Variants in COMMD1 observed in about 807,000 individuals in gnomAD.
The protein encoded by COMMD1 is COMM domain-containing protein 1.
COMMD1 carries 10 observed loss-of-function variants against 17.2 expected under a neutral mutation model. The observed-to-expected ratio is 0.58, with a 90% CI of 0.36 to 0.99. COMMD1 has a LOEUF of 0.99. COMMD1 is among the 50% of genes least tolerant of loss of function. The probability of loss-of-function intolerance (pLI) is 0.01; values close to 1 mark genes in which losing one functional copy is unlikely to be tolerated. For missense variants in COMMD1, 270 were observed against 231.8 expected (o/e 1.17, Z -1.07); for synonymous variants, 97 against 91.6 (o/e 1.06, Z -0.34).
At chr2:61,930,062 A>G (rs572390091) in intron 1 of COMMD1, among the ~76,000 whole-genome samples, 1 of 152,288 alleles carries the variant, frequency 6.6e-6, no homozygotes, top group African/African-American at 2.4e-5. Context: ...AATTATGCCC[A>G]GATTTATGAA....
chr2:62,047,378 G>A (rs867177242), intron 2 of COMMD1, among the ~76,000 whole-genome samples: 74 of 152,162 alleles, frequency 4.9e-4, no homozygotes, highest in African/African-American at 1.5e-3. Flanking sequence ...AGGCCTTCAC[G>A]TTCACGGACC....
intron 2 of COMMD1, among the ~76,000 whole-genome samples, chr2:62,054,105 T>C (rs1670620208): frequency 6.6e-6 from 1 of 152,180 alleles, no homozygotes; most frequent in Admixed American, 6.5e-5. Flanking sequence ...AAAAAAATGC[T>C]GAACATTACT....
intron 1 of COMMD1, among the ~76,000 whole-genome samples, chr2:61,992,287 TA>T (rs1395617797): frequency 1.3e-5 from 2 of 152,220 alleles, no homozygotes; most frequent in Non-Finnish European, 2.9e-5. Context: ...CAAGTTGTAT[TA>T]ATTGCATTCC....
At chr2:62,052,514 A>G (rs1416220637) in intron 2 of COMMD1, among the ~76,000 whole-genome samples, 1 of 152,158 alleles carries the variant, frequency 6.6e-6, no homozygotes, top group East Asian at 1.9e-4. Flanking sequence ...TTATATCCAC[A>G]TCACACATCA....
At position 62,000,662 on chromosome 2, in the gene COMMD1, TTTAA is replaced by T. The variant is rs778899173; in HGVS notation, c.181-36_181-33del. On this transcript the variant is annotated intron_variant, in intron 1 of 2. Transcript: ENST00000311832. ...GAAGCTATCTTTTTCTAATTACCTA[TTTAA>T]TTCAAATTTTTTGCTTTTTCTGTCA... The T allele has an allele frequency of 5.0e-6, 8 of 1,597,254 alleles. No individual in the cohort carries two copies. In the Admixed American group the frequency reaches 6.7e-5, roughly 13 times the overall value.
intron 2 of COMMD1, among the ~76,000 whole-genome samples, chr2:62,034,088 C>CA (rs34439318): frequency 0.22 from 13,368 of 61,696 alleles, 1,302 homozygotes; most frequent in Non-Finnish European, 0.26. Context: ...GACCCTGTCT[C>CA]AAAAAAAAAA....
chr2:61,936,632 C>T (rs139905307), intron 1 of COMMD1, among the ~76,000 whole-genome samples: 36 of 152,240 alleles, frequency 2.4e-4, no homozygotes, highest in Non-Finnish European at 4.4e-4. Context: ...CAGGGTCTTG[C>T]CTTATTGCCC....
intron 1 of COMMD1, among the ~76,000 whole-genome samples, chr2:61,956,769 T>C (rs533523886): frequency 6.8e-6 from 1 of 147,348 alleles, no homozygotes; most frequent in African/African-American, 2.5e-5. Context: ...TTTTGTTTTT[T>C]GCGATGGGGT....
intron 2 of COMMD1, among the ~76,000 whole-genome samples, chr2:62,121,887 G>A (rs1672759992): frequency 1.3e-5 from 2 of 152,158 alleles, no homozygotes; most frequent in Admixed American, 1.3e-4. Flanking sequence ...TATCTCCCGG[G>A]CTCAGGTGAT....
rs1491407705 is a variant in COMMD1, at chr2:61,990,891, A to AT, written c.181-9810_181-9809insT. Among the ~76,000 whole-genome samples, 389 of 103,842 alleles carry AT rather than the reference A, an allele frequency of 3.7e-3. 3 individuals are homozygous for AT. The highest frequency in any genetic ancestry group is 0.016 in the East Asian group (40 of 2,486). The allele number at this position is 103,842 out of a possible 152,430, so 68.1% of individuals were successfully genotyped here. ...CTCTGTCTTTACAAAAAAAAAAAAA[A>AT]ATATATATATATACACACACACACA... On this transcript the variant is annotated intron_variant, in intron 1 of 2. Transcript: ENST00000311832.
At chr2:62,057,825 G>C (rs1357927316) in intron 2 of COMMD1, among the ~76,000 whole-genome samples, 1 of 151,796 alleles carries the variant, frequency 6.6e-6, no homozygotes, top group Non-Finnish European at 1.5e-5. Flanking sequence ...TCCCACCTTG[G>C]TCTCCCAAAG....
At chr2:61,898,792 C>A (rs1669602767) in intron 1 of COMMD1, among the ~76,000 whole-genome samples, 1 of 152,080 alleles carries the variant, frequency 6.6e-6, no homozygotes, top group Non-Finnish European at 1.5e-5. Context: ...TATAATTTCC[C>A]TTTGCATCAA....
intron 2 of COMMD1, among the ~76,000 whole-genome samples, chr2:62,099,306 A>C (rs1672107760): frequency 6.6e-6 from 1 of 152,128 alleles, no homozygotes; most frequent in Non-Finnish European, 1.5e-5. Context: ...TCTAGATGCC[A>C]CCTAAGTACG....
At chr2:62,057,058 C>T (rs1018013893) in intron 2 of COMMD1, among the ~76,000 whole-genome samples, 4 of 152,116 alleles carry the variant, frequency 2.6e-5, no homozygotes, top group African/African-American at 9.7e-5. Flanking sequence ...CTTCGAGTAT[C>T]ACTGTCTCCC....
intron 2 of COMMD1, among the ~76,000 whole-genome samples, chr2:62,085,684 T>G (rs933800657): frequency 1.3e-5 from 2 of 151,450 alleles, no homozygotes; most frequent in African/African-American, 4.9e-5. Flanking sequence ...TATAAAAAAT[T>G]TTTAAGAAAA....
intron 2 of COMMD1, among the ~76,000 whole-genome samples, chr2:62,063,868 A>AATATATATAT (rs55740628): frequency 0.07 from 5,688 of 80,948 alleles, 462 homozygotes; most frequent in Non-Finnish European, 0.096. Flanking sequence ...GTCTCTACAA[A>AATATATATAT]ATATATATAT....
At chr2:61,962,313 A>G (rs1446618875) in intron 1 of COMMD1, among the ~76,000 whole-genome samples, 3 of 152,178 alleles carry the variant, frequency 2.0e-5, no homozygotes, top group Non-Finnish European at 4.4e-5. Context: ...CCTGGTTCCT[A>G]GGACAGAGGC....
At chr2:61,951,432 C>G (rs570979340) in intron 1 of COMMD1, among the ~76,000 whole-genome samples, 117 of 151,468 alleles carry the variant, frequency 7.7e-4, no homozygotes, top group Non-Finnish European at 1.2e-3. Flanking sequence ...AGCACTCCAG[C>G]CTCGGTAACA....
At chr2:62,090,151 G>T (rs915680219) in intron 2 of COMMD1, among the ~76,000 whole-genome samples, 2 of 150,814 alleles carry the variant, frequency 1.3e-5, no homozygotes, top group African/African-American at 4.9e-5. Flanking sequence ...TTCTTTAATT[G>T]TGCCTTTTCC....
Sources: allele counts gnomAD v4.1 joint callset (sites outside exome capture counted in the v4.1 genomes callset), GRCh38; gene constraint gnomAD v4.1.1; transcripts MANE v1.5; gene names NCBI Gene and HGNC (gene_info 2026-07-23, HGNC 2026-07-21).